The following ECE1 variants were observed in gnomAD, a reference collection of about 807,000 sequenced individuals.
The protein encoded by ECE1 is endothelin converting enzyme 1, also known as endothelin-converting enzyme 1.
A neutral mutation model predicts 98.6 loss-of-function variants in ECE1; 35 were observed. The ratio of observed to expected loss-of-function variants is 0.35; its 90% CI spans 0.27 to 0.47. ECE1 has a LOEUF of 0.47. Ranked by LOEUF, ECE1 falls within the 20% of genes least tolerant of loss-of-function variation. The pLI is 1.00. For synonymous variants in ECE1, 394 were observed against 407.1 expected (o/e 0.97, Z 0.39); for missense variants, 814 against 1,025.3 (o/e 0.79, Z 2.81).
chr1:21,234,147 C>T (rs2098185210), intron 13 of ECE1, among the ~76,000 whole-genome samples: 1 of 151,846 alleles, frequency 6.6e-6, no homozygotes, highest in African/African-American at 2.4e-5. Context: ...GCCACCAAGC[C>T]CAGCTAATTT....
chr1:21,301,698 C>T (rs1410042896), intron 1 of ECE1, among the ~76,000 whole-genome samples: 1 of 151,458 alleles, frequency 6.6e-6, no homozygotes, highest in Non-Finnish European at 1.5e-5. Flanking sequence ...TGGTGGCTCA[C>T]ATCTGTGGTT....
In ECE1 at chr1:21,327,588, T is replaced by G. The variant is rs898673137; in HGVS notation, c.3+17788A>C. Among the ~76,000 whole-genome samples the G allele has an allele frequency of 6.6e-6, 1 of 152,198 alleles. No homozygotes were observed. The highest frequency in any genetic ancestry group is 1.9e-4 in the East Asian group (1 of 5,184). ...GCTTGTTACACATTTTTGCCTTTTC[T>G]TACTTTGAGGGCACAAATGGAGTCT... On this transcript the variant is annotated intron_variant, in intron 1 of 18. Coordinates refer to the ECE1 transcript ENST00000415912. This position sits in a 1 kb window ranked among gnomAD's most constrained non-coding sequence, Gnocchi z 4.6.
chr1:21,251,794 A>G (rs2098213199), intron 8 of ECE1, among the ~76,000 whole-genome samples: 1 of 152,180 alleles, frequency 6.6e-6, no homozygotes, highest in South Asian at 2.1e-4. Context: ...AAAAAGGGGA[A>G]AACAGCCTCC....
In ECE1 at chr1:21,275,431, C is replaced by A. The variant is rs181830943; in HGVS notation, c.281-2520G>T. On this transcript the variant is annotated intron_variant, in intron 3 of 18. Coordinates refer to ENST00000374893, the MANE Select transcript of ECE1 (RefSeq NM_001397.3). The stretch of plus-strand genomic sequence containing the variant: ...CCAACATGGTGAAACTCTGTCTCTA[C>A]TAAAAATACAAAAATTAGCCAGGTA... Among the ~76,000 whole-genome samples, 659 of 152,204 alleles carry A rather than the reference C, an allele frequency of 4.3e-3. 5 individuals are homozygous for A. The highest frequency in any genetic ancestry group is 4.3e-3 in the Non-Finnish European group (293 of 68,022).
rs1638993690 is a variant in ECE1, at chr1:21,322,810, G to A, written c.3+22566C>T. The stretch of plus-strand genomic sequence containing the variant: ...GAAAGAAACGGGGAGGCCGGGAAGG[G>A]AAGTGGGCATGGCCCCCGGAAGAGG... On this transcript the variant is annotated intron_variant, in intron 1 of 18. Transcript: ENST00000415912. The surrounding 1 kb of genome is among the most constrained non-coding windows in gnomAD (Gnocchi z 4.1). Among the ~76,000 whole-genome samples, 1 of 152,212 alleles carries A rather than the reference G, an allele frequency of 6.6e-6. No homozygotes were observed. The highest frequency in any genetic ancestry group is 1.5e-5 in the Non-Finnish European group (1 of 68,036).
chr1:21,251,601 C>T (rs956080221), intron 8 of ECE1, among the ~76,000 whole-genome samples: 1 of 152,192 alleles, frequency 6.6e-6, no homozygotes, highest in African/African-American at 2.4e-5. Flanking sequence ...AAAATACCTG[C>T]GGAGCTGGTA....
At chr1:21,286,132 T>A (rs1473894581) in intron 2 of ECE1, among the ~76,000 whole-genome samples, 1 of 152,162 alleles carries the variant, frequency 6.6e-6, no homozygotes, top group Non-Finnish European at 1.5e-5. Context: ...AGTAATTGAA[T>A]GAATTTCAAA....
Position 21,319,627 on chromosome 1 carries a change from G to A in ECE1, c.3+25749C>T, listed in dbSNP as rs990784305. On this transcript the variant is annotated intron_variant, in intron 1 of 18. Coordinates refer to the ECE1 transcript ENST00000415912. The surrounding 1 kb of genome is among the most constrained non-coding windows in gnomAD (Gnocchi z 4.4). ...AGCTGTGCCCTCCCCTCTGTGAACT[G>A]GGCAGGAAAGCCAGGCTCCATCCCT... Among the ~76,000 whole-genome samples, 4 of 152,070 alleles carry A rather than the reference G, an allele frequency of 2.6e-5. No individual in the cohort carries two copies. Among genetic ancestry groups the A allele is most frequent in the African/African-American group, 7.2e-5 (3 of 41,392 alleles).
rs1190608799 is a variant in ECE1, at chr1:21,327,327, G to C, written c.3+18049C>G. 1.3e-5 allele frequency among the ~76,000 whole-genome samples: 2 copies of C among 152,142 alleles called. No individual in the cohort carries two copies. The highest frequency in any genetic ancestry group is 1.5e-5 in the Non-Finnish European group (1 of 68,034). On this transcript the variant is annotated intron_variant, in intron 1 of 18. Coordinates refer to the ECE1 transcript ENST00000415912. This position sits in a 1 kb window ranked among gnomAD's most constrained non-coding sequence, Gnocchi z 4.6. Reference sequence around the variant, plus strand: ...CCGGTGGCTCATGCAACCTTTCTGGGCTCTGTTTTCTCATTTGTCAAAGCG... The same window carrying C: ...CCGGTGGCTCATGCAACCTTTCTGGCCTCTGTTTTCTCATTTGTCAAAGCG...
chr1:21,228,880 A>G (rs1375092800), intron 14 of ECE1, among the ~76,000 whole-genome samples: 1 of 140,838 alleles, frequency 7.1e-6, no homozygotes, highest in Non-Finnish European at 1.5e-5. Context: ...TCACTCTGTC[A>G]CCCAGGCTGG....
chr1:21,263,425 C>T (rs1248425621), intron 4 of ECE1, among the ~76,000 whole-genome samples: 5 of 151,384 alleles, frequency 3.3e-5, no homozygotes, highest in African/African-American at 7.3e-5. Flanking sequence ...GGCGCAATCT[C>T]GGCTCACTGC....
chr1:21,324,954 A>G (rs2103406280), intron 1 of ECE1, among the ~76,000 whole-genome samples: 1 of 152,332 alleles, frequency 6.6e-6, no homozygotes. Flanking sequence ...CAAATCACGA[A>G]AGAAGGAGAA....
chr1:21,247,475 C>G, intron 8 of ECE1, 112 bp from the exon 9 acceptor site: 1 of 1,502,614 alleles, frequency 6.7e-7, no homozygotes, highest in Non-Finnish European at 9.2e-7. Flanking sequence ...TTGGCGCCAT[C>G]TGACAGCGCA....
At chr1:21,289,922 G>A (rs2098264638) in intron 2 of ECE1, 148 bp downstream of exon 2, 2 of 1,061,360 alleles carry the variant, frequency 1.9e-6, no homozygotes, top group Non-Finnish European at 2.4e-6. Context: ...CCAGCTGCGG[G>A]GAGGCGCGGC....
At chr1:21,334,887 TC>T (rs1464964645) in intron 1 of ECE1, among the ~76,000 whole-genome samples, 2 of 151,816 alleles carry the variant, frequency 1.3e-5, no homozygotes, top group Non-Finnish European at 1.5e-5. Flanking sequence ...CCTGCCTCCC[TC>T]CTGCCCCCTA....
At position 21,254,918 on chromosome 1, in the gene ECE1, T is replaced by A. The variant is rs137877016; in HGVS notation, c.1020+1029A>T. Reference sequence around the variant, plus strand: ...CTGGGACACCCAGTTGGCCTGGAAATGCTCATCTATCGTTAGACTCACCTT... The same window carrying A: ...CTGGGACACCCAGTTGGCCTGGAAAAGCTCATCTATCGTTAGACTCACCTT... On this transcript the variant is annotated intron_variant, in intron 8 of 18. Coordinates refer to ENST00000374893, the MANE Select transcript of ECE1 (RefSeq NM_001397.3). Among the ~76,000 whole-genome samples the A allele has an allele frequency of 3.1e-3, 469 of 152,260 alleles. 2 individuals carry two copies. Among genetic ancestry groups the A allele is most frequent in the Non-Finnish European group, 5.5e-3 (375 of 68,028 alleles).
At chr1:21,304,445 C>T (rs1044176430) in intron 1 of ECE1, among the ~76,000 whole-genome samples, 1 of 152,050 alleles carries the variant, frequency 6.6e-6, no homozygotes, top group African/African-American at 2.4e-5. Context: ...CCACAGCCCA[C>T]CCCAACCCCT....
At chr1:21,320,480 C>T (rs1356917675) in intron 1 of ECE1, among the ~76,000 whole-genome samples, 6 of 152,180 alleles carry the variant, frequency 3.9e-5, no homozygotes, top group African/African-American at 1.4e-4. Context: ...GTCAGTGGGT[C>T]CTGAGAATAC....
intron 14 of ECE1, among the ~76,000 whole-genome samples, chr1:21,232,056 G>A (rs968143215): frequency 1.3e-5 from 2 of 152,260 alleles, no homozygotes; most frequent in Non-Finnish European, 2.9e-5. Flanking sequence ...GCCATGTTCT[G>A]AAGGTAAAAG....
Sources: allele counts gnomAD v4.1 joint callset (sites outside exome capture counted in the v4.1 genomes callset), GRCh38; gene constraint gnomAD v4.1.1; non-coding constraint Gnocchi (gnomAD v3.1); transcripts MANE v1.5; gene names NCBI Gene and HGNC (gene_info 2026-07-23, HGNC 2026-07-21).